The following VAMP4 variants were observed in gnomAD, a reference collection of about 807,000 sequenced individuals.
VAMP4 encodes the protein vesicle associated membrane protein 4.
VAMP4 carries 19 observed loss-of-function variants against 23.5 expected under a neutral mutation model. The observed-to-expected ratio is 0.81, with a 90% CI of 0.56 to 1.19. The LOEUF (loss-of-function observed/expected upper bound fraction) is 1.19, where lower values mean the gene tolerates loss of function less well. Ranked by LOEUF, VAMP4 falls within the 50% of genes most tolerant of loss-of-function variation. VAMP4 has a pLI of 0.00. For synonymous variants in VAMP4, 31 were observed against 51.0 expected, an observed-to-expected ratio of 0.61 and a Z score of 1.67; for missense variants, 145 against 168.6, an observed-to-expected ratio of 0.86 and a Z score of 0.78.
At chr1:171,731,128 T>C (rs1254029555) in intron 2 of VAMP4, among the ~76,000 whole-genome samples, 1 of 152,024 alleles carries the variant, frequency 6.6e-6, no homozygotes, top group East Asian at 1.9e-4. Context: ...TTTACGTGCT[T>C]CTATGTGCAC....
At chr1:171,726,573 G>A (rs907008162) in intron 3 of VAMP4, among the ~76,000 whole-genome samples, 1 of 152,142 alleles carries the variant, frequency 6.6e-6, no homozygotes, top group Admixed American at 6.5e-5. Context: ...GGGAAAGGAT[G>A]ATCTTTTTAT....
intron 2 of VAMP4, 40 bp downstream of exon 2, chr1:171,738,309 T>G: frequency 1.9e-6 from 3 of 1,603,854 alleles, no homozygotes; most frequent in Non-Finnish European, 2.6e-6. Context: ...AAAACATATT[T>G]TGAATCTTTT....
intron 2 of VAMP4, among the ~76,000 whole-genome samples, chr1:171,731,056 C>A (rs57327963): frequency 0.34 from 50,544 of 147,768 alleles, 9,148 homozygotes; most frequent in African/African-American, 0.46. Flanking sequence ...TACAAAAAAA[C>A]AAAAAAAGAA....
chr1:171,703,429 A>C lies in VAMP4; in HGVS notation c.*1077T>G, dbSNP rs879248250. 8.6e-5 allele frequency: 3 copies of C among 34,776 alleles called. No homozygotes were observed. The highest frequency in any genetic ancestry group is 3.1e-4 in the African/African-American group (3 of 9,636). 2.2% of individuals were successfully genotyped at this position (34,776 alleles called of 1,614,324 possible). On this transcript the variant is annotated 3_prime_UTR_variant, in exon 8 of 8. Transcript: ENST00000236192. ...TGTGTGTGTGTGTGTTTGTGTGTAT[A>C]TATATATATATATATATATATATAT...
At chr1:171,733,356 C>G (rs1478909489) in intron 2 of VAMP4, among the ~76,000 whole-genome samples, 1 of 149,258 alleles carries the variant, frequency 6.7e-6, no homozygotes, top group East Asian at 2.0e-4. Flanking sequence ...ATACCAGCTA[C>G]TCTGAAGGCT....
chr1:171,711,936 T>C (rs1654860335), intron 4 of VAMP4, among the ~76,000 whole-genome samples: 1 of 152,162 alleles, frequency 6.6e-6, no homozygotes, highest in Non-Finnish European at 1.5e-5. Flanking sequence ...TACAGATATT[T>C]ACCATTGTGT....
In VAMP4 at chr1:171,726,272, G is replaced by C. The variant is rs374309970; in HGVS notation, c.113+2252C>G. Reference sequence around the variant, plus strand: ...TCACTATGTTGGCCAGGCTGGTCTTGAACTCCTGACCTTGTGATCCGCCCG... The same window carrying C: ...TCACTATGTTGGCCAGGCTGGTCTTCAACTCCTGACCTTGTGATCCGCCCG... On this transcript the variant is annotated intron_variant, in intron 3 of 7. Transcript: ENST00000236192. Among the ~76,000 whole-genome samples the C allele has an allele frequency of 6.6e-5, 10 of 151,798 alleles. 1 individual carries two copies. Among genetic ancestry groups the C allele is most frequent in the Admixed American group, 2.0e-4 (3 of 15,242 alleles).
chr1:171,722,790 G>A (rs1451293316), intron 3 of VAMP4, among the ~76,000 whole-genome samples: 4 of 152,100 alleles, frequency 2.6e-5, no homozygotes, highest in African/African-American at 9.7e-5. Context: ...AAACAGGAAC[G>A]CTTTTACACT....
In VAMP4 at chr1:171,703,425, G is replaced by GTGTATATATA. The variant is rs1330620854; in HGVS notation, c.*1080_*1081insTATATATACA. On this transcript the variant is annotated 3_prime_UTR_variant, in exon 8 of 8. Coordinates refer to ENST00000236192, the MANE Select transcript of VAMP4 (RefSeq NM_003762.5). ...TGTGTGTGTGTGTGTGTGTTTGTGT[G>GTGTATATATA]TATATATATATATATATATATATAT... 8 of 80,664 alleles carry GTGTATATATA rather than the reference G, an allele frequency of 9.9e-5. No individual in the cohort carries two copies. The highest frequency in any genetic ancestry group is 1.4e-4 in the African/African-American group (3 of 20,960). 5.0% of individuals were successfully genotyped at this position (80,664 alleles called of 1,614,324 possible). A position where few individuals can be genotyped will look rare whatever the true frequency, so the allele number is the denominator to read the frequency against.
chr1:171,706,970 G>A (rs1044365964), intron 6 of VAMP4, among the ~76,000 whole-genome samples: 5 of 152,210 alleles, frequency 3.3e-5, no homozygotes, highest in East Asian at 1.9e-4. Flanking sequence ...CCTGTTAAAC[G>A]TGTGTTTGGC....
At position 171,700,516 on chromosome 1, in the gene VAMP4, T is replaced by G. The variant is rs764665449; in HGVS notation, c.*3990A>C. 1.3e-4 allele frequency: 20 copies of G among 152,252 alleles called. No homozygotes were observed. Among genetic ancestry groups the G allele is most frequent in the Non-Finnish European group, 2.8e-4 (19 of 68,042 alleles). The allele number at this position is 152,252 out of a possible 1,614,324, so 9.4% of individuals were successfully genotyped here. A position where few individuals can be genotyped will look rare whatever the true frequency, so the allele number is the denominator to read the frequency against. ...AATCTACTTTGTGGCTTTAAAATAT[T>G]GGATACTTTGATTTTAAGACTACTT... On this transcript the variant is annotated 3_prime_UTR_variant, in exon 8 of 8. Coordinates refer to ENST00000236192, the MANE Select transcript of VAMP4 (RefSeq NM_003762.5).
In VAMP4 at chr1:171,732,169, T is replaced by C. The variant is rs12144998; in HGVS notation, c.67-3599A>G. Among the ~76,000 whole-genome samples the C allele has an allele frequency of 4.1e-3, 620 of 152,086 alleles. 3 individuals carry two copies. Among genetic ancestry groups the C allele is most frequent in the Admixed American group, 5.8e-3 (89 of 15,276 alleles). ...AGGACATTTAATAAATTCCAAAAAA[T>C]AGAAATTACACAAGTCATATTCTCT... On this transcript the variant is annotated intron_variant, in intron 2 of 7. Transcript: ENST00000236192.
intron 4 of VAMP4, among the ~76,000 whole-genome samples, chr1:171,715,057 G>A (rs1348877707): frequency 6.6e-6 from 1 of 152,098 alleles, no homozygotes; most frequent in African/African-American, 2.4e-5. Flanking sequence ...CTAGGATAAG[G>A]AAATATATGT....
At position 171,701,623 on chromosome 1, in the gene VAMP4, A is replaced by G. The variant is rs879580437; in HGVS notation, c.*2883T>C. 4 of 152,206 alleles carry G rather than the reference A, an allele frequency of 2.6e-5. No homozygotes were observed. Among genetic ancestry groups the G allele is most frequent in the Non-Finnish European group, 5.9e-5 (4 of 68,004 alleles). 9.4% of individuals were successfully genotyped at this position (152,206 alleles called of 1,614,324 possible). A position where few individuals can be genotyped will look rare whatever the true frequency, so the allele number is the denominator to read the frequency against. On this transcript the variant is annotated 3_prime_UTR_variant, in exon 8 of 8. Coordinates refer to ENST00000236192, the MANE Select transcript of VAMP4 (RefSeq NM_003762.5). Reference sequence around the variant, plus strand: ...TAATACAGACTATTGAAATGCACAGAAAGACTACAATAGGCAATCTATAGC... The same window carrying G: ...TAATACAGACTATTGAAATGCACAGGAAGACTACAATAGGCAATCTATAGC...
chr1:171,731,081 T>C (rs1655548947), intron 2 of VAMP4, among the ~76,000 whole-genome samples: 1 of 151,930 alleles, frequency 6.6e-6, no homozygotes. Flanking sequence ...AAGAAGGATG[T>C]ATTCAATATT....
rs1283664682 is a variant in VAMP4, at chr1:171,738,449, C to G, written c.-35G>C. 6.3e-7 allele frequency: 1 copy of G among 1,594,756 alleles called. No homozygotes were observed. Among genetic ancestry groups the G allele is most frequent in the Admixed American group, 1.7e-5 (1 of 59,666 alleles). On this transcript the variant is annotated 5_prime_UTR_variant, in exon 2 of 8. Transcript: ENST00000236192. ...TTGCAAAGTATCTTTTGCTTCTCAA[C>G]AGGATAGTCACCACCTTAAAGAGAA...
chr1:171,719,304 TACAA>T (rs922874480), intron 3 of VAMP4, 83 bp from the exon 4 acceptor site: 2 of 1,187,426 alleles, frequency 1.7e-6, no homozygotes, highest in African/African-American at 3.1e-5. Flanking sequence ...TATACACAAA[TACAA>T]ACAATCAAGC....
chr1:171,708,428 C>A (rs182390690), intron 6 of VAMP4, among the ~76,000 whole-genome samples: 1 of 148,928 alleles, frequency 6.7e-6, no homozygotes, highest in Admixed American at 6.7e-5. Flanking sequence ...AAATTCTGAA[C>A]AAGGGGAGAA....
chr1:171,724,265 C>A (rs1572248951), intron 3 of VAMP4, among the ~76,000 whole-genome samples: 1 of 137,136 alleles, frequency 7.3e-6, no homozygotes, highest in African/African-American at 2.8e-5. Context: ...TAGGTGGGAA[C>A]TGAACAATGA....
Sources: gnomAD v4.1 joint callset for allele counts (sites outside exome capture counted in the v4.1 genomes callset) on GRCh38, gnomAD v4.1.1 for gene constraint, MANE v1.5 for transcripts, NCBI Gene and HGNC (gene_info 2026-07-23, HGNC 2026-07-21) for gene names.